Variants in TRPC4AP observed in about 807,000 individuals in gnomAD.
TRPC4AP encodes transient receptor potential cation channel subfamily C member 4 associated protein.
In TRPC4AP, 45 loss-of-function variants were observed where a neutral mutation model predicts 99.0. The observed-to-expected ratio is 0.45, with a 90% CI of 0.36 to 0.58. The LOEUF (loss-of-function observed/expected upper bound fraction) is 0.58. Among genes scored for constraint, TRPC4AP ranks in the 20% least tolerant of loss-of-function variants. The pLI, the probability that TRPC4AP is intolerant of heterozygous loss-of-function variation, is 0.00. For synonymous variants in TRPC4AP, 408 were observed against 385.8 expected (o/e 1.06, Z -0.67); for missense variants, 879 against 985.3 (o/e 0.89, Z 1.44).
At chr20:35,032,097 C>T (rs2083208663) in intron 8 of TRPC4AP, among the ~76,000 whole-genome samples, 2 of 152,114 alleles carry the variant, frequency 1.3e-5, no homozygotes, top group Admixed American at 1.3e-4. Flanking sequence ...GCCATGTTGG[C>T]CTGGCTGATG....
rs550382898 is a variant in TRPC4AP at position 35,085,379 on chromosome 20, A to C, written c.169-7205T>G. Among the ~76,000 whole-genome samples the C allele has an allele frequency of 1.3e-3, 203 of 152,310 alleles. 1 individual carries two copies. The highest frequency in any genetic ancestry group is 4.7e-3 in the African/African-American group (195 of 41,558). ...TCATATCCTAGCACTTGGGAGGCCA[A>C]GGTAGGCCCATTGCTTGATCCCAGG... On this transcript the variant is annotated intron_variant, in intron 1 of 18. Coordinates refer to ENST00000252015, the MANE Select transcript of TRPC4AP (RefSeq NM_015638.3).
chr20:35,066,366 TAA>T (rs2084145342), intron 3 of TRPC4AP, among the ~76,000 whole-genome samples: 1 of 152,114 alleles, frequency 6.6e-6, no homozygotes, highest in Admixed American at 6.6e-5. Flanking sequence ...TTCGGCCTCC[TAA>T]AGTGCTGGGA....
intron 1 of TRPC4AP, among the ~76,000 whole-genome samples, chr20:35,088,571 T>C (rs923701710): frequency 6.6e-6 from 1 of 152,250 alleles, no homozygotes; most frequent in African/African-American, 2.4e-5. Context: ...TATTCCTATA[T>C]GCCACACTGG....
intron 6 of TRPC4AP, among the ~76,000 whole-genome samples, chr20:35,045,449 C>T (rs2083538463): frequency 6.6e-6 from 1 of 152,192 alleles, no homozygotes; most frequent in Non-Finnish European, 1.5e-5. Context: ...TAGCTTACTG[C>T]AGACTCAAAC....
At chr20:35,006,161 C>T (rs773931946) in intron 15 of TRPC4AP, among the ~76,000 whole-genome samples, 2 of 152,190 alleles carry the variant, frequency 1.3e-5, no homozygotes, top group African/African-American at 2.4e-5. Flanking sequence ...CGGCTCCCAC[C>T]GTGGCACCCA....
At chr20:35,028,477 T>C (rs1173176704) in intron 8 of TRPC4AP, among the ~76,000 whole-genome samples, 1 of 152,254 alleles carries the variant, frequency 6.6e-6, no homozygotes, top group Non-Finnish European at 1.5e-5. Flanking sequence ...CATGTATTTA[T>C]TAATTTCCCA....
intron 10 of TRPC4AP, among the ~76,000 whole-genome samples, chr20:35,014,371 G>C (rs1018383689): frequency 7.1e-6 from 1 of 140,890 alleles, no homozygotes; most frequent in African/African-American, 2.7e-5. Context: ...AGGCTGGAGT[G>C]CAGTGGCGTG....
intron 3 of TRPC4AP, among the ~76,000 whole-genome samples, chr20:35,065,755 G>A (rs755680595): frequency 3.9e-5 from 6 of 152,140 alleles, no homozygotes; most frequent in Admixed American, 6.5e-5. Flanking sequence ...AAAGATGTCC[G>A]AAGATGGGAT....
intron 18 of TRPC4AP, 39 bp from the exon 19 acceptor site, chr20:35,003,322 C>A (rs751592821): frequency 6.2e-7 from 1 of 1,613,722 alleles, no homozygotes. Flanking sequence ...GCCTGGAGGA[C>A]CCAGGTCAAG....
At chr20:35,023,417 T>C (rs2082941244) in intron 8 of TRPC4AP, among the ~76,000 whole-genome samples, 1 of 152,224 alleles carries the variant, frequency 6.6e-6, no homozygotes, top group Non-Finnish European at 1.5e-5. Flanking sequence ...CTCAGAAAAC[T>C]GAGTTTTTCT....
chr20:35,031,450 G>A (rs953079268), intron 8 of TRPC4AP, among the ~76,000 whole-genome samples: 1 of 135,668 alleles, frequency 7.4e-6, no homozygotes, highest in Non-Finnish European at 1.5e-5. Flanking sequence ...TCCCCAGGCT[G>A]GTCTTGAACT....
chr20:35,035,050 A>G (rs1215580879), intron 8 of TRPC4AP, 73 bp downstream of exon 8: 8 of 1,464,080 alleles, frequency 5.5e-6, no homozygotes, highest in Non-Finnish European at 7.4e-6. Context: ...TCCTTCTTGG[A>G]AAGAAGAGCA....
chr20:35,034,545 G>GC (rs886454246), intron 8 of TRPC4AP, among the ~76,000 whole-genome samples: 3 of 151,802 alleles, frequency 2.0e-5, no homozygotes, highest in South Asian at 2.1e-4. Context: ...AAAGCTGATG[G>GC]CCCCCCACTC....
intron 5 of TRPC4AP, among the ~76,000 whole-genome samples, chr20:35,050,439 G>C (rs1277196137): frequency 1.3e-5 from 2 of 152,108 alleles, no homozygotes; most frequent in East Asian, 3.9e-4. Context: ...TTGAGGCCAG[G>C]CGTGGTGGCT....
chr20:35,006,363 C>T, intron 15 of TRPC4AP, 72 bp downstream of exon 15: 1 of 1,573,914 alleles, frequency 6.4e-7, no homozygotes, highest in Non-Finnish European at 8.7e-7. Flanking sequence ...TGCCTAAAGC[C>T]TGGCAGACCA....
intron 3 of TRPC4AP, among the ~76,000 whole-genome samples, chr20:35,062,967 C>T (rs962693156): frequency 5.0e-4 from 76 of 152,152 alleles, no homozygotes; most frequent in African/African-American, 1.8e-3. Flanking sequence ...ATGAAATATC[C>T]GTAACAGGTG....
At chr20:35,092,481 C>G in intron 1 of TRPC4AP, 133 bp downstream of exon 1, 1 of 1,112,018 alleles carries the variant, frequency 9.0e-7, no homozygotes, top group South Asian at 1.9e-5. Flanking sequence ...CCGGGCAGCT[C>G]ACAGGGAGGC....
Position 35,010,763 on chromosome 20 carries a change from C to T in TRPC4AP, c.1410-475G>A, listed in dbSNP as rs539586932. Among the ~76,000 whole-genome samples, 6 of 152,236 alleles carry T rather than the reference C, an allele frequency of 3.9e-5. No individual in the cohort carries two copies. In the South Asian group the frequency reaches 1.2e-3, roughly 32 times the overall value. On this transcript the variant is annotated intron_variant, in intron 11 of 18. Transcript: ENST00000252015. ...GCTGGGTCCTGTGTTCCCAGGACACCAGCTCCCTTTACTAAAAGGTATCCC... is the reference window on the plus strand; with the variant it reads ...GCTGGGTCCTGTGTTCCCAGGACACTAGCTCCCTTTACTAAAAGGTATCCC...
chr20:35,004,073 G>A (rs1403278153), intron 17 of TRPC4AP, among the ~76,000 whole-genome samples: 3 of 152,338 alleles, frequency 2.0e-5, no homozygotes, highest in South Asian at 2.1e-4. Context: ...TCTGAGAGGT[G>A]CTAAGATCAC....
Sources: allele counts gnomAD v4.1 joint callset (sites outside exome capture counted in the v4.1 genomes callset), GRCh38; gene constraint gnomAD v4.1.1; transcripts MANE v1.5; gene names NCBI Gene and HGNC (gene_info 2026-07-23, HGNC 2026-07-21).